Variants in LPAR3 observed in about 807,000 individuals in gnomAD.
LPAR3 encodes the protein LPA receptor 3.
In LPAR3, 7 loss-of-function variants were observed where a neutral mutation model predicts 17.8. That is an observed-to-expected ratio of 0.39 (90% CI 0.22 to 0.74). The LOEUF (loss-of-function observed/expected upper bound fraction) is 0.74. LPAR3 is among the 30% of genes least tolerant of loss of function. The probability of loss-of-function intolerance (pLI) is 0.40; values close to 1 mark genes in which losing one functional copy is unlikely to be tolerated. For missense variants in LPAR3, 391 were observed against 453.4 expected, an observed-to-expected ratio of 0.86 and a Z score of 1.25; for synonymous variants, 179 against 179.9, an observed-to-expected ratio of 0.99 and a Z score of 0.04.
chr1:84,844,820 C>T (rs1659567409), intron 2 of LPAR3, among the ~76,000 whole-genome samples: 1 of 152,194 alleles, frequency 6.6e-6, no homozygotes, highest in Non-Finnish European at 1.5e-5. Context: ...GACCCCGCCA[C>T]AGTCTTTTAT....
rs995999703 is a variant in LPAR3 at position 84,866,944 on chromosome 1, G to A, written c.-18-806C>T. Among the ~76,000 whole-genome samples, 9 of 152,308 alleles carry A rather than the reference G, an allele frequency of 5.9e-5. No homozygotes were observed. The East Asian group carries it at 1.5e-3, about 26-fold the overall frequency. On this transcript the variant is annotated intron_variant, in intron 1 of 2. Coordinates refer to ENST00000370611, the MANE Select transcript of LPAR3 (RefSeq NM_012152.3). ...TTTCCAGCATTCCTCAACACGGCAG[G>A]TGGAGGAGGATCGGGCTTCCACAGG...
intron 1 of LPAR3, among the ~76,000 whole-genome samples, chr1:84,875,654 G>A (rs1358814736): frequency 6.6e-6 from 1 of 152,198 alleles, no homozygotes; most frequent in African/African-American, 2.4e-5. Flanking sequence ...CCAGTCTCTG[G>A]TATTCTCTTT....
chr1:84,858,112 A>C (rs1164741206), intron 2 of LPAR3, among the ~76,000 whole-genome samples: 1 of 152,126 alleles, frequency 6.6e-6, no homozygotes, highest in African/African-American at 2.4e-5. Context: ...AAAAATGCTC[A>C]TTTCTTTTCT....
At chr1:84,858,420 G>A (rs1659870649) in intron 2 of LPAR3, among the ~76,000 whole-genome samples, 1 of 149,440 alleles carries the variant, frequency 6.7e-6, no homozygotes, top group Non-Finnish European at 1.5e-5. Context: ...GGAGGCGGAG[G>A]TTGCAGTGAG....
intron 2 of LPAR3, among the ~76,000 whole-genome samples, chr1:84,837,950 T>C (rs1337848798): frequency 1.3e-5 from 2 of 152,214 alleles, no homozygotes; most frequent in Non-Finnish European, 2.9e-5. Context: ...GGACATCTAC[T>C]TGTGAAACAT....
intron 2 of LPAR3, among the ~76,000 whole-genome samples, chr1:84,827,761 AAT>A (rs1477164919): frequency 1.3e-5 from 2 of 152,222 alleles, no homozygotes; most frequent in African/African-American, 4.8e-5. Flanking sequence ...TGACATCATG[AAT>A]AAAGCACATT....
At chr1:84,840,265 A>G (rs1391409940) in intron 2 of LPAR3, among the ~76,000 whole-genome samples, 1 of 152,228 alleles carries the variant, frequency 6.6e-6, no homozygotes, top group Non-Finnish European at 1.5e-5. Context: ...TGAAGAAACC[A>G]AAAGCACTTG....
At chr1:84,867,614 G>C (rs1190454993) in intron 1 of LPAR3, among the ~76,000 whole-genome samples, 1 of 151,660 alleles carries the variant, frequency 6.6e-6, no homozygotes, top group Non-Finnish European at 1.5e-5. Context: ...TTTGGCCATA[G>C]CAAATGGGAG....
chr1:84,891,499 T>A (rs1348412960), intron 1 of LPAR3, among the ~76,000 whole-genome samples: 1 of 152,140 alleles, frequency 6.6e-6, no homozygotes, highest in African/African-American at 2.4e-5. Context: ...AAGCCTGGGG[T>A]TAACAGAGCC....
rs1316119717 is a variant in LPAR3, at chr1:84,865,668, A to G, written c.453T>C (p.Leu151=). The change falls in exon 2 of 3, where the codon CTT becomes CTC. Residue 151 remains leucine, a synonymous_variant. Transcript: ENST00000370611. ...CCATAAAAATGGCGATGGCCCAGAC[A>G]AGCAAAATGAGCAGTGTCACCCTCT... ...TKKRVTLLIL[L]VWAIAIFMGA... 1.9e-6 allele frequency: 3 copies of G among 1,614,086 alleles called. No individual in the cohort carries two copies. In the Admixed American group the frequency reaches 5.0e-5, roughly 27 times the overall value.
chr1:84,856,686 T>C (rs1019288136), intron 2 of LPAR3, among the ~76,000 whole-genome samples: 1 of 152,160 alleles, frequency 6.6e-6, no homozygotes, highest in African/African-American at 2.4e-5. Context: ...GCAAAGGTGA[T>C]AATAGCAGCT....
intron 1 of LPAR3, among the ~76,000 whole-genome samples, chr1:84,891,274 A>T (rs1332541567): frequency 6.6e-6 from 1 of 152,132 alleles, no homozygotes; most frequent in African/African-American, 2.4e-5. Flanking sequence ...CAAAGAAAAA[A>T]TTTTTGCCAA....
At chr1:84,849,876 T>G (rs1226553590) in intron 2 of LPAR3, among the ~76,000 whole-genome samples, 3 of 152,176 alleles carry the variant, frequency 2.0e-5, no homozygotes, top group Non-Finnish European at 4.4e-5. Context: ...CTAAGTCTCC[T>G]GAAGCTCCCT....
chr1:84,876,078 A>G (rs1181580032), intron 1 of LPAR3, among the ~76,000 whole-genome samples: 1 of 152,194 alleles, frequency 6.6e-6, no homozygotes, highest in Non-Finnish European at 1.5e-5. Flanking sequence ...ATACTAAAGA[A>G]GAGCACTGTT....
At chr1:84,859,278 G>A (rs1364903759) in intron 2 of LPAR3, among the ~76,000 whole-genome samples, 2 of 152,086 alleles carry the variant, frequency 1.3e-5, no homozygotes, top group South Asian at 2.1e-4. Flanking sequence ...CTATCGTTTC[G>A]TTGCTTACTG....
intron 2 of LPAR3, among the ~76,000 whole-genome samples, chr1:84,850,232 T>A (rs1235936157): frequency 6.6e-6 from 1 of 151,750 alleles, no homozygotes; most frequent in Non-Finnish European, 1.5e-5. Flanking sequence ...CCCTCCCATG[T>A]AACCAGCCAC....
intron 2 of LPAR3, 25 bp from the exon 3 acceptor site, chr1:84,814,196 C>T (rs752901841): frequency 1.3e-6 from 2 of 1,590,664 alleles, no homozygotes; most frequent in Admixed American, 3.3e-5. Flanking sequence ...GAGGAGGCAA[C>T]AGATGCTCAG....
intron 2 of LPAR3, among the ~76,000 whole-genome samples, chr1:84,865,063 CACA>C (rs1474193382): frequency 6.6e-6 from 1 of 152,090 alleles, no homozygotes; most frequent in East Asian, 1.9e-4. Flanking sequence ...AGGCATCCCT[CACA>C]ACACTTTTTT....
At chr1:84,887,470 G>T (rs1165004788) in intron 1 of LPAR3, among the ~76,000 whole-genome samples, 1 of 152,018 alleles carries the variant, frequency 6.6e-6, no homozygotes, top group Non-Finnish European at 1.5e-5. Flanking sequence ...TGTAGGTACA[G>T]GTTTAATGAG....
Sources: allele counts gnomAD v4.1 joint callset (sites outside exome capture counted in the v4.1 genomes callset), GRCh38; gene constraint gnomAD v4.1.1; transcripts MANE v1.5; gene names NCBI Gene and HGNC (gene_info 2026-07-23, HGNC 2026-07-21).